Variants in CNTN5 observed in about 807,000 individuals in gnomAD.
The protein encoded by CNTN5 is contactin-5.
CNTN5 carries 77 observed loss-of-function variants against 129.1 expected under a neutral mutation model. The ratio of observed to expected loss-of-function variants is 0.60; its 90% CI spans 0.50 to 0.72. The LOEUF is 0.72. Among genes scored for constraint, CNTN5 ranks in the 30% least tolerant of loss-of-function variants. CNTN5 has a pLI of 0.00. For missense variants in CNTN5, 1,478 were observed against 1,328.8 expected (o/e 1.11, Z -1.75); for synonymous variants, 509 against 465.6 (o/e 1.09, Z -1.20).
intron 3 of CNTN5, among the ~76,000 whole-genome samples, chr11:99,665,089 G>A (rs1952735399): frequency 6.6e-6 from 1 of 152,128 alleles, no homozygotes; most frequent in South Asian, 2.1e-4. Flanking sequence ...TTCGCTATAA[G>A]AAGGATTTCA....
chr11:99,842,195 A>T (rs185777309), intron 4 of CNTN5, among the ~76,000 whole-genome samples: 1 of 151,798 alleles, frequency 6.6e-6, no homozygotes, highest in Admixed American at 6.6e-5. Context: ...ACACCCGGGT[A>T]TTTCCTTTCT....
chr11:99,796,552 A>G (rs1945948406), intron 3 of CNTN5, among the ~76,000 whole-genome samples: 1 of 151,546 alleles, frequency 6.6e-6, no homozygotes, highest in Non-Finnish European at 1.5e-5. Flanking sequence ...GAGCTATGAT[A>G]CGGGCCCCCA....
chr11:99,637,580 G>T (rs991392635), intron 3 of CNTN5, among the ~76,000 whole-genome samples: 1 of 151,886 alleles, frequency 6.6e-6, no homozygotes, highest in African/African-American at 2.4e-5. Flanking sequence ...TTAAAAATCA[G>T]TATTTTTTTA....
chr11:100,196,218 C>T (rs910483458), intron 15 of CNTN5, among the ~76,000 whole-genome samples: 6 of 151,940 alleles, frequency 3.9e-5, no homozygotes, highest in Non-Finnish European at 7.4e-5. Context: ...GGGACAGAAC[C>T]CTGCCAGTGG....
chr11:99,982,334 G>A (rs1938399492), intron 8 of CNTN5, among the ~76,000 whole-genome samples: 1 of 152,080 alleles, frequency 6.6e-6, no homozygotes, highest in African/African-American at 2.4e-5. Context: ...TTACAAGAAA[G>A]AAAAATAAAT....
chr11:99,102,382 A>T (rs1866778397), intron 1 of CNTN5, among the ~76,000 whole-genome samples: 1 of 152,152 alleles, frequency 6.6e-6, no homozygotes, highest in Non-Finnish European at 1.5e-5. Context: ...TTTCTCTTAT[A>T]AAATGGGTTT....
chr11:99,575,618 T>C (rs1460908219), intron 3 of CNTN5, among the ~76,000 whole-genome samples: 2 of 152,202 alleles, frequency 1.3e-5, no homozygotes, highest in Non-Finnish European at 2.9e-5. Flanking sequence ...TGATAAAAGC[T>C]ACTCTTGGAG....
intron 1 of CNTN5, among the ~76,000 whole-genome samples, chr11:99,110,550 A>G (rs989314609): frequency 1.3e-5 from 2 of 152,146 alleles, no homozygotes; most frequent in South Asian, 2.1e-4. Flanking sequence ...TTACTGAATC[A>G]CACTATTTCA....
chr11:100,125,768 C>T (rs1946163528), intron 13 of CNTN5, among the ~76,000 whole-genome samples: 1 of 152,024 alleles, frequency 6.6e-6, no homozygotes, highest in Admixed American at 6.6e-5. Flanking sequence ...TTTGGTTTTA[C>T]TGATTATTTG....
intron 2 of CNTN5, among the ~76,000 whole-genome samples, chr11:99,469,545 T>C (rs535359071): frequency 6.6e-6 from 1 of 152,268 alleles, no homozygotes; most frequent in African/African-American, 2.4e-5. Flanking sequence ...TAATATTTTA[T>C]AGCTCTGATT....
intron 2 of CNTN5, among the ~76,000 whole-genome samples, chr11:99,480,095 C>A (rs1165750453): frequency 6.6e-6 from 1 of 152,206 alleles, no homozygotes; most frequent in East Asian, 1.9e-4. Flanking sequence ...TTTGTGATAT[C>A]TTTGATGCTG....
chr11:99,806,314 T>G (rs2135499459), intron 3 of CNTN5, among the ~76,000 whole-genome samples: 1 of 152,276 alleles, frequency 6.6e-6, no homozygotes, highest in South Asian at 2.1e-4. Flanking sequence ...TGAAAATTAT[T>G]TGTCCTTATC....
chr11:100,166,173 A>G (rs1280373605), intron 13 of CNTN5, among the ~76,000 whole-genome samples: 2 of 151,814 alleles, frequency 1.3e-5, no homozygotes, highest in African/African-American at 4.8e-5. Flanking sequence ...TAACTATAAT[A>G]TGATTTTTTG....
chr11:99,665,598 T>G (rs1952759170), intron 3 of CNTN5, among the ~76,000 whole-genome samples: 1 of 149,716 alleles, frequency 6.7e-6, no homozygotes, highest in South Asian at 2.1e-4. Context: ...CAATTCTCCC[T>G]GTCTCAGCCT....
intron 8 of CNTN5, among the ~76,000 whole-genome samples, chr11:99,996,088 A>T (rs888619482): frequency 6.6e-6 from 1 of 152,214 alleles, no homozygotes; most frequent in African/African-American, 2.4e-5. Context: ...TTTTACTGAC[A>T]TTGCCAAATT....
At chr11:99,643,015 T>G (rs984644440) in intron 3 of CNTN5, among the ~76,000 whole-genome samples, 1 of 152,248 alleles carries the variant, frequency 6.6e-6, no homozygotes, top group South Asian at 2.1e-4. Context: ...TTAGGTCTAT[T>G]CTGTATCAAC....
At chr11:100,173,268 ACACTTTAG>A (rs1429915304) in intron 13 of CNTN5, among the ~76,000 whole-genome samples, 1 of 152,046 alleles carries the variant, frequency 6.6e-6, no homozygotes, top group African/African-American at 2.4e-5. Flanking sequence ...CATTTTTTGC[ACACTTTAG>A]CGTAGTGGGG....
intron 4 of CNTN5, among the ~76,000 whole-genome samples, chr11:99,840,469 C>T (rs1373214720): frequency 2.6e-5 from 4 of 151,854 alleles, no homozygotes; most frequent in South Asian, 2.1e-4. Flanking sequence ...CATCATTCTT[C>T]GTAGCAGAGA....
At chr11:99,940,423 A>G (rs1422372465) in intron 7 of CNTN5, among the ~76,000 whole-genome samples, 1 of 152,184 alleles carries the variant, frequency 6.6e-6, no homozygotes, top group Non-Finnish European at 1.5e-5. Context: ...CCTTTCCAAG[A>G]GGAGTATAGT....
Sources: gnomAD v4.1 joint callset for allele counts (sites outside exome capture counted in the v4.1 genomes callset) on GRCh38, gnomAD v4.1.1 for gene constraint, MANE v1.5 for transcripts, NCBI Gene and HGNC (gene_info 2026-07-23, HGNC 2026-07-21) for gene names.